The following ITM2C variants were observed in gnomAD, a reference collection of about 807,000 sequenced individuals.
ITM2C encodes the protein integral membrane protein 2C, also known as BRICHOS domain containing 2C.
ITM2C carries 20 observed loss-of-function variants against 30.0 expected under a neutral mutation model. The observed-to-expected ratio is 0.67, with a 90% confidence interval of 0.47 to 0.97. The LOEUF (loss-of-function observed/expected upper bound fraction) is 0.97. Ranked by LOEUF, ITM2C falls within the 50% of genes least tolerant of loss-of-function variation. ITM2C has a pLI of 0.00. For synonymous variants in ITM2C, 167 were observed against 156.4 expected (o/e 1.07, Z -0.51); for missense variants, 366 against 371.9 (o/e 0.98, Z 0.13).
intron 1 of ITM2C, among the ~76,000 whole-genome samples, chr2:230,872,205 C>T (rs543368732): frequency 1.3e-5 from 2 of 152,320 alleles, no homozygotes; most frequent in South Asian, 2.1e-4. Context: ...CCCAATACTG[C>T]GGCAGTCCGC....
intron 2 of ITM2C, 128 bp from the exon 3 acceptor site, chr2:230,875,492 A>G: frequency 1.3e-6 from 1 of 758,412 alleles, no homozygotes; most frequent in Non-Finnish European, 2.1e-6. Context: ...TGGGTCTCAC[A>G]GTCCCTGCTC....
rs1559159145 is a variant in ITM2C, at chr2:230,877,372, T to G, written c.562-28T>G. The G allele has an allele frequency of 6.2e-7, 1 of 1,610,224 alleles. No homozygotes were observed. Among genetic ancestry groups the G allele is most frequent in the Non-Finnish European group, 8.5e-7 (1 of 1,177,452 alleles). On this transcript the variant is annotated intron_variant, in intron 4 of 5. Transcript: ENST00000326427. This position sits in a 1 kb window ranked among gnomAD's most constrained non-coding sequence, Gnocchi z 4.8. ...TTGGACGAAAGCCTGAGGGGCCGAC[T>G]CACTGTGGCGGCCACCTTGTTTTGC...
chr2:230,871,521 G>T (rs1697164872), intron 1 of ITM2C, among the ~76,000 whole-genome samples: 1 of 152,238 alleles, frequency 6.6e-6, no homozygotes, highest in Admixed American at 6.5e-5. Context: ...CCCGTCACTT[G>T]CTGGTGACCT....
chr2:230,876,889 C>T lies in ITM2C; in HGVS notation c.483C>T (p.Asp161=). 6.2e-7 allele frequency: 1 copy of T among 1,613,992 alleles called. No individual in the cohort carries two copies. The highest frequency in any genetic ancestry group is 8.5e-7 in the Non-Finnish European group (1 of 1,179,854). Residue 161 remains aspartate (D), a synonymous_variant, in exon 4 of 6, where the codon GAC becomes GAT. Coordinates refer to ENST00000326427, the MANE Select transcript of ITM2C (RefSeq NM_030926.6). Reference sequence around the variant, plus strand: ...CTGCGTACCATGATATCTCCCTGGACAAGTGCTATGTCATCGAACTCAACA... The same window carrying T: ...CTGCGTACCATGATATCTCCCTGGATAAGTGCTATGTCATCGAACTCAACA... ...GLTAYHDISL[D]KCYVIELNTT...
In ITM2C at chr2:230,873,591, G is replaced by A. The variant is rs760922846; in HGVS notation, c.261+34G>A. 2.3e-5 allele frequency: 36 copies of A among 1,576,302 alleles called. 1 individual carries two copies. The highest frequency in any genetic ancestry group is 8.2e-5 in the South Asian group (7 of 85,534). ...CCGGGCCAGGTAGGGGCAAGGCCTC[G>A]AGAAAGGGTCATGTCTAGAGAGGCA... is the stretch of plus-strand genomic sequence containing the variant. On this transcript the variant is annotated intron_variant, in intron 2 of 5. Coordinates refer to ENST00000326427, the MANE Select transcript of ITM2C (RefSeq NM_030926.6).
At chr2:230,876,659 T>C (rs1697305913) in intron 3 of ITM2C, among the ~76,000 whole-genome samples, 198 bp from the exon 4 acceptor site, 1 of 152,160 alleles carries the variant, frequency 6.6e-6, no homozygotes, top group Non-Finnish European at 1.5e-5. Context: ...TTTTTTGTAT[T>C]TTTAGTAGAG....
Position 230,876,972 on chromosome 2 carries a change from G to T in ITM2C, c.561+5G>T, listed in dbSNP as rs370297692. 5 of 1,590,530 alleles carry T rather than the reference G, an allele frequency of 3.1e-6. No individual in the cohort carries two copies. Among genetic ancestry groups the T allele is most frequent in the South Asian group, 1.1e-5 (1 of 90,602 alleles). ...GAGCTCCTCATGAACGTGAAGGTGC[G>T]CAGGGGGTTGGGGGGATGTCTGCAG... On this transcript the variant is annotated splice_donor_5th_base_variant and intron_variant, in intron 4 of 5. Transcript: ENST00000326427.
At chr2:230,875,113 A>C (rs1697259102) in intron 2 of ITM2C, among the ~76,000 whole-genome samples, 1 of 152,196 alleles carries the variant, frequency 6.6e-6, no homozygotes, top group African/African-American at 2.4e-5. Flanking sequence ...GCAGTCGTGC[A>C]CAGGCGTAGG....
intron 3 of ITM2C, 121 bp downstream of exon 3, chr2:230,875,929 C>A: frequency 1.3e-6 from 1 of 790,248 alleles, no homozygotes; most frequent in Non-Finnish European, 2.0e-6. Context: ...TTAGGCTTAC[C>A]AGGGTCTTCA....
At chr2:230,867,643 T>A (rs912793680) in intron 1 of ITM2C, among the ~76,000 whole-genome samples, 1 of 143,040 alleles carries the variant, frequency 7.0e-6, no homozygotes, top group African/African-American at 2.7e-5. Context: ...AGATTTATTT[T>A]ATTTTATCTA....
At chr2:230,868,896 G>A (rs926047432) in intron 1 of ITM2C, among the ~76,000 whole-genome samples, 29 of 152,236 alleles carry the variant, frequency 1.9e-4, no homozygotes, top group Admixed American at 1.3e-4. Flanking sequence ...GGACTTTCAT[G>A]GCTGTCGTCC....
rs1294462327 is a variant in ITM2C at position 230,875,615 on chromosome 2, C to A, written c.262-5C>A. 6.3e-7 allele frequency: 1 copy of A among 1,593,670 alleles called. No individual in the cohort carries two copies. Among genetic ancestry groups the A allele is most frequent in the Non-Finnish European group, 8.6e-7 (1 of 1,169,384 alleles). On this transcript the variant is annotated splice_region_variant and splice_polypyrimidine_tract_variant and intron_variant, in intron 2 of 5. Coordinates refer to ENST00000326427, the MANE Select transcript of ITM2C (RefSeq NM_030926.6). Reference sequence around the variant, plus strand: ...ACTGTCTGTCTGTCTCTCCGCCTTGCTCAGCTGGCCCGAGATAACTTCTTC... The same window carrying A: ...ACTGTCTGTCTGTCTCTCCGCCTTGATCAGCTGGCCCGAGATAACTTCTTC...
chr2:230,875,588 T>TGACTGTCTGTCTGTCTCTCC (rs1697271176), intron 2 of ITM2C, 32 bp from the exon 3 acceptor site: 2 of 1,567,380 alleles, frequency 1.3e-6, no homozygotes, highest in South Asian at 2.4e-5. Context: ...CCAGCCTCTC[T>TGACTGTCTGTCTGTCTCTCC]GACTGTCTGT....
At position 230,865,020 on chromosome 2, in the gene ITM2C, G is replaced by A. The variant is rs1288962776; in HGVS notation, c.-6G>A. The stretch of plus-strand genomic sequence containing the variant: ...CTGCGGGGCGGACGCGCGGGCCGGC[G>A]CAGCCATGGTGAAGATTAGCTTCCA... On this transcript the variant is annotated 5_prime_UTR_variant, in exon 1 of 6. Transcript: ENST00000326427. The surrounding 1 kb of genome is among the most constrained non-coding windows in gnomAD (Gnocchi z 6.8). 2 of 1,494,062 alleles carry A rather than the reference G, an allele frequency of 1.3e-6. No homozygotes were observed. Among genetic ancestry groups the A allele is most frequent in the South Asian group, 1.3e-5 (1 of 78,066 alleles). 92.6% of individuals were successfully genotyped at this position (1,494,062 alleles called of 1,614,324 possible).
chr2:230,869,197 G>A (rs904706984), intron 1 of ITM2C, among the ~76,000 whole-genome samples: 1 of 152,208 alleles, frequency 6.6e-6, no homozygotes, highest in Non-Finnish European at 1.5e-5. Flanking sequence ...GTCTGGAGAT[G>A]CCTTGACTAT....
At chr2:230,864,840 G>A (rs1342447712), upstream of ITM2C, 10 of 628,856 alleles carry the variant, frequency 1.6e-5, no homozygotes, top group Non-Finnish European at 2.2e-5. This position sits in a 1 kb window ranked among gnomAD's most constrained non-coding sequence, Gnocchi z 4.3. Context: ...CGGGAAGGGG[G>A]CGCAGGCGCG....
chr2:230,865,047 C>T lies in ITM2C; in HGVS notation c.22C>T (p.Pro8Ser), dbSNP rs1467535276. Residue 8 changes from proline (P) to serine (S), a missense_variant, in exon 1 of 6, where the codon CCC (proline) becomes TCC (serine). Coordinates refer to ENST00000326427, the MANE Select transcript of ITM2C (RefSeq NM_030926.6). This position sits in a 1 kb window ranked among gnomAD's most constrained non-coding sequence, Gnocchi z 6.8. MVKISFQ[P>S]AVAGIKGDKA... ...AGCCATGGTGAAGATTAGCTTCCAG[C>T]CCGCCGTGGCTGGCATCAAGGGCGA... 2.0e-6 allele frequency: 3 copies of T among 1,523,884 alleles called. No homozygotes were observed. The highest frequency in any genetic ancestry group is 2.7e-6 in the Non-Finnish European group (3 of 1,129,982). 94.4% of individuals were successfully genotyped at this position (1,523,884 alleles called of 1,614,324 possible).
Position 230,877,295 on chromosome 2 carries a change from C to T in ITM2C, c.562-105C>T. 1.7e-6 allele frequency: 2 copies of T among 1,211,244 alleles called. No individual in the cohort carries two copies. The highest frequency in any genetic ancestry group is 2.4e-6 in the Non-Finnish European group (2 of 850,170). 75.0% of individuals were successfully genotyped at this position (1,211,244 alleles called of 1,614,324 possible). A position where few individuals can be genotyped will look rare whatever the true frequency, so the allele number is the denominator to read the frequency against. ...AAGTGCCTGAGGACATCAGAAGGGC[C>T]AGCCCAGGGGCCTCTGGAGGAGGGA... On this transcript the variant is annotated intron_variant, in intron 4 of 5. Coordinates refer to ENST00000326427, the MANE Select transcript of ITM2C (RefSeq NM_030926.6). The surrounding 1 kb of genome is among the most constrained non-coding windows in gnomAD (Gnocchi z 4.8).
intron 2 of ITM2C, among the ~76,000 whole-genome samples, 161 bp from the exon 3 acceptor site, chr2:230,875,459 T>C (rs1438999842): frequency 1.3e-5 from 2 of 152,172 alleles, no homozygotes; most frequent in African/African-American, 4.8e-5. Context: ...TGCCCCACCG[T>C]CTCAGTTTCT....
Sources: allele counts gnomAD v4.1 joint callset (sites outside exome capture counted in the v4.1 genomes callset), GRCh38; gene constraint gnomAD v4.1.1; non-coding constraint Gnocchi (gnomAD v3.1); transcripts MANE v1.5; gene names NCBI Gene and HGNC (gene_info 2026-07-23, HGNC 2026-07-21).